SCML4: variants seen among roughly 807,000 people sequenced by gnomAD.
The protein encoded by SCML4 is sex comb on midleg-like protein 4.
In SCML4, 34 loss-of-function variants were observed where a neutral mutation model predicts 41.1. The ratio of observed to expected loss-of-function variants is 0.83; its 90% CI spans 0.63 to 1.10. The LOEUF (loss-of-function observed/expected upper bound fraction) is 1.10. Ranked by LOEUF, SCML4 falls within the 50% of genes least tolerant of loss-of-function variation. The probability of loss-of-function intolerance (pLI) is 0.00; values close to 1 mark genes in which losing one functional copy is unlikely to be tolerated. For synonymous variants in SCML4, 214 were observed against 220.9 expected, an observed-to-expected ratio of 0.97 and a Z score of 0.28; for missense variants, 522 against 534.1, an observed-to-expected ratio of 0.98 and a Z score of 0.22.
At chr6:107,817,212 C>T (rs1784604539) in intron 1 of SCML4, among the ~76,000 whole-genome samples, 1 of 152,196 alleles carries the variant, frequency 6.6e-6, no homozygotes, top group African/African-American at 2.4e-5. Context: ...GTTAATCTCA[C>T]ACTACCGTGG....
chr6:107,836,491 G>GT, the SCML4 span, among the ~76,000 whole-genome samples: 1 of 152,060 alleles, frequency 6.6e-6, no homozygotes, highest in Non-Finnish European at 1.5e-5. Flanking sequence ...ACAAGGCCTG[G>GT]GGTCTTTCCA....
chr6:107,834,823 T>TA, the SCML4 span, among the ~76,000 whole-genome samples: 1 of 151,740 alleles, frequency 6.6e-6, no homozygotes, highest in Non-Finnish European at 1.5e-5. Context: ...CAGGCACCTG[T>TA]AGTCCCAGCT....
At position 107,772,336 on chromosome 6, in the gene SCML4, G is replaced by A. The variant is rs763413912; in HGVS notation, c.-9C>T. ...ATCCTTTGAGACTGCATTTCTGCTG[G>A]TGCCAGTCTTACAGAATGAGGTGAC... On this transcript the variant is annotated 5_prime_UTR_variant, in exon 2 of 8. Transcript: ENST00000369020. 4.8e-5 allele frequency: 75 copies of A among 1,548,400 alleles called. No homozygotes were observed. The highest frequency in any genetic ancestry group is 6.5e-5 in the Non-Finnish European group (74 of 1,145,570).
At chr6:107,708,924 T>C (rs76885252) in intron 6 of SCML4, among the ~76,000 whole-genome samples, 5,545 of 152,288 alleles carry the variant, frequency 0.036, 295 homozygotes, top group African/African-American at 0.12. Context: ...CTCCTCTTCC[T>C]ATCTCCCCCA....
chr6:107,802,672 TCCTCTC>T (rs1562273124), intron 1 of SCML4, among the ~76,000 whole-genome samples: 1 of 4,836 alleles, frequency 2.1e-4, no homozygotes, highest in African/African-American at 3.4e-4. Flanking sequence ...TCCCTCTCCC[TCCTCTC>T]CCTCTCCCTC....
chr6:107,785,579 C>G (rs1055842625), intron 1 of SCML4, among the ~76,000 whole-genome samples: 1 of 152,210 alleles, frequency 6.6e-6, no homozygotes, highest in Non-Finnish European at 1.5e-5. Context: ...CAGAGAGGAT[C>G]ACAGGTCACT....
the SCML4 span, among the ~76,000 whole-genome samples, chr6:107,833,249 T>C: frequency 2.6e-5 from 4 of 152,164 alleles, no homozygotes; most frequent in Admixed American, 6.5e-5. Flanking sequence ...TTGAATAACT[T>C]AGTCTTTAAA....
At chr6:107,747,487 G>T (rs543541991) in intron 3 of SCML4, among the ~76,000 whole-genome samples, 29 of 151,894 alleles carry the variant, frequency 1.9e-4, no homozygotes, top group Non-Finnish European at 4.1e-4. Context: ...AATTGGGGGG[G>T]CACCTGTCCC....
intron 5 of SCML4, among the ~76,000 whole-genome samples, chr6:107,733,260 A>G (rs1298060147): frequency 6.6e-6 from 1 of 152,240 alleles, no homozygotes; most frequent in African/African-American, 2.4e-5. Context: ...TATTGTGGAC[A>G]GAAGAAAGGA....
At chr6:107,752,535 C>G (rs891517338) in intron 2 of SCML4, among the ~76,000 whole-genome samples, 1 of 151,894 alleles carries the variant, frequency 6.6e-6, no homozygotes, top group African/African-American at 2.4e-5. Flanking sequence ...GAGAAAGGAG[C>G]AAGCAAAAGA....
intron 2 of SCML4, among the ~76,000 whole-genome samples, chr6:107,764,768 G>A (rs955130014): frequency 1.3e-5 from 2 of 152,186 alleles, no homozygotes; most frequent in Admixed American, 6.5e-5. Context: ...TGTTGTGGGA[G>A]GGACCCGGTG....
chr6:107,841,066 C>T, the SCML4 span, among the ~76,000 whole-genome samples: 1 of 152,092 alleles, frequency 6.6e-6, no homozygotes, highest in Admixed American at 6.5e-5. Flanking sequence ...CCCCAAACAC[C>T]ATCTCCCTCC....
chr6:107,704,814 T>G lies in SCML4; in HGVS notation c.*386A>C. 1.2e-5 allele frequency: 3 copies of G among 259,132 alleles called. No individual in the cohort carries two copies. Among genetic ancestry groups the G allele is most frequent in the South Asian group, 4.3e-5 (1 of 23,412 alleles). The allele number at this position is 259,132 out of a possible 1,614,324, so 16.1% of individuals were successfully genotyped here. A position where few individuals can be genotyped will look rare whatever the true frequency, so the allele number is the denominator to read the frequency against. On this transcript the variant is annotated 3_prime_UTR_variant, in exon 8 of 8. Coordinates refer to ENST00000369020, the MANE Select transcript of SCML4 (RefSeq NM_198081.5). ...TAGAGGCAGATGGTGCTGAGGGGGT[T>G]GTCCCTGCAGAGACCGCAGGGACAA...
At chr6:107,740,397 G>A (rs1355995162) in intron 5 of SCML4, among the ~76,000 whole-genome samples, 1 of 152,202 alleles carries the variant, frequency 6.6e-6, no homozygotes. Context: ...TCCAGTGCAT[G>A]GCTTCAGTGT....
At chr6:107,780,776 T>C (rs147504485) in intron 1 of SCML4, among the ~76,000 whole-genome samples, 82 of 151,676 alleles carry the variant, frequency 5.4e-4, no homozygotes, top group African/African-American at 1.8e-3. Flanking sequence ...TGATTTCATA[T>C]CTTGGGGATA....
chr6:107,790,868 G>A (rs1329978572), intron 1 of SCML4, among the ~76,000 whole-genome samples: 1 of 152,064 alleles, frequency 6.6e-6, no homozygotes, highest in Admixed American at 6.6e-5. Context: ...TCAGGAGTTC[G>A]AGACCAGACT....
intron 1 of SCML4, among the ~76,000 whole-genome samples, chr6:107,799,211 AT>A (rs1279370240): frequency 6.6e-6 from 1 of 152,132 alleles, no homozygotes; most frequent in African/African-American, 2.4e-5. Flanking sequence ...TTATTTCTGT[AT>A]GTTTTTGCTA....
chr6:107,827,340 T>C (rs1381316773), upstream of SCML4, among the ~76,000 whole-genome samples: 5 of 147,970 alleles, frequency 3.4e-5, no homozygotes, highest in African/African-American at 9.8e-5. Flanking sequence ...TATATCTTTA[T>C]ATTTTTTACT....
intron 5 of SCML4, among the ~76,000 whole-genome samples, chr6:107,731,661 A>AG (rs1776564182): frequency 6.6e-6 from 1 of 152,208 alleles, no homozygotes; most frequent in East Asian, 1.9e-4. Flanking sequence ...CACCCTGCCC[A>AG]GGCAATGGTC....
Sources: gnomAD v4.1 joint callset for allele counts (sites outside exome capture counted in the v4.1 genomes callset) on GRCh38, gnomAD v4.1.1 for gene constraint, MANE v1.5 for transcripts, NCBI Gene and HGNC (gene_info 2026-07-23, HGNC 2026-07-21) for gene names.